Variants in CRCP observed in about 807,000 individuals in gnomAD.
The protein encoded by CRCP is CGRP receptor component.
A neutral mutation model predicts 18.5 loss-of-function variants in CRCP; 18 were observed. The ratio of observed to expected loss-of-function variants is 0.97; its 90% CI spans 0.67 to 1.44. CRCP has a LOEUF of 1.44. CRCP is among the 40% of genes most tolerant of loss of function. CRCP has a pLI of 0.00. For synonymous variants in CRCP, 53 were observed against 62.9 expected, an observed-to-expected ratio of 0.84 and a Z score of 0.75; for missense variants, 130 against 176.4, an observed-to-expected ratio of 0.74 and a Z score of 1.49.
intron 5 of CRCP, among the ~76,000 whole-genome samples, chr7:66,147,056 G>A (rs1788318701): frequency 6.6e-6 from 1 of 152,096 alleles, no homozygotes; most frequent in South Asian, 2.1e-4. Context: ...GAGTGCCTGG[G>A]GTGGGCCGGG....
intron 1 of CRCP, chr7:66,126,609 A>G (rs574626822): frequency 2.3e-6 from 1 of 426,928 alleles, no homozygotes; most frequent in East Asian, 7.7e-5. Flanking sequence ...CTGGGATAAT[A>G]TCTTTTACAA....
At chr7:66,125,966 A>G (rs982287689) in intron 1 of CRCP, among the ~76,000 whole-genome samples, 2 of 149,418 alleles carry the variant, frequency 1.3e-5, no homozygotes, top group African/African-American at 4.8e-5. Flanking sequence ...CAAAGATGAC[A>G]TGTGGTTTGA....
At chr7:66,136,357 A>G (rs1255458221) in intron 4 of CRCP, among the ~76,000 whole-genome samples, 13 of 151,994 alleles carry the variant, frequency 8.6e-5, no homozygotes, top group Non-Finnish European at 1.9e-4. Flanking sequence ...CAGCCTCCAC[A>G]GTAGCTGGGA....
chr7:66,124,510 CCCTT>C lies in CRCP; in HGVS notation c.9-3182_9-3179del, dbSNP rs1450525948. On this transcript the variant is annotated intron_variant, in intron 1 of 5. Coordinates refer to ENST00000395326, the MANE Select transcript of CRCP (RefSeq NM_014478.5). ...TTCCCTCCCTCCTCCCTCCCTCCCT[CCCTT>C]CCTTCCTTCCTCCCTCCTTCCCTTC... Among the ~76,000 whole-genome samples the C allele has an allele frequency of 2.1e-3, 299 of 142,802 alleles. 2 individuals carry two copies. The highest frequency in any genetic ancestry group is 7.1e-3 in the African/African-American group (275 of 38,812). The allele number at this position is 142,802 out of a possible 152,430, so 93.7% of individuals were successfully genotyped here.
intron 1 of CRCP, among the ~76,000 whole-genome samples, chr7:66,116,007 CA>C (rs540266020): frequency 1.5e-3 from 232 of 152,226 alleles, no homozygotes; most frequent in African/African-American, 5.3e-3. Flanking sequence ...CACTACAGCC[CA>C]GGCTGGTCTC....
At chr7:66,121,899 A>G (rs1043744309) in intron 1 of CRCP, among the ~76,000 whole-genome samples, 4 of 152,208 alleles carry the variant, frequency 2.6e-5, no homozygotes, top group Non-Finnish European at 5.9e-5. Context: ...GAGGATACTC[A>G]TTTGCTAGCT....
chr7:66,149,382 G>A (rs1046383780), intron 5 of CRCP, among the ~76,000 whole-genome samples: 1 of 152,020 alleles, frequency 6.6e-6, no homozygotes, highest in African/African-American at 2.4e-5. Flanking sequence ...AGCTGGACAT[G>A]GTGGCACATA....
chr7:66,128,300 T>C (rs891838941), intron 2 of CRCP, among the ~76,000 whole-genome samples: 1 of 152,172 alleles, frequency 6.6e-6, no homozygotes, highest in Non-Finnish European at 1.5e-5. Context: ...CAACCTTCTC[T>C]AAATCTCAAC....
At chr7:66,129,430 G>T (rs933097554) in intron 2 of CRCP, among the ~76,000 whole-genome samples, 4 of 152,170 alleles carry the variant, frequency 2.6e-5, no homozygotes, top group Admixed American at 6.5e-5. Flanking sequence ...TTGAGCCCAG[G>T]AGTTTGAGGT....
chr7:66,122,775 G>C (rs1284637196), intron 1 of CRCP, among the ~76,000 whole-genome samples: 4 of 151,998 alleles, frequency 2.6e-5, no homozygotes, highest in Non-Finnish European at 2.9e-5. Flanking sequence ...TAGCAGGTTT[G>C]GTTTCTTTTG....
At chr7:66,133,239 C>CT (rs1787862301) in intron 3 of CRCP, among the ~76,000 whole-genome samples, 1 of 152,088 alleles carries the variant, frequency 6.6e-6, no homozygotes, top group African/African-American at 2.4e-5. Flanking sequence ...GGTGCGGTGT[C>CT]TCATGCCTAT....
At chr7:66,136,632 A>G (rs1787979666) in intron 4 of CRCP, among the ~76,000 whole-genome samples, 1 of 150,242 alleles carries the variant, frequency 6.7e-6, no homozygotes, top group Non-Finnish European at 1.5e-5. Flanking sequence ...CCAAAGTGCT[A>G]GCATTTCAGG....
intron 1 of CRCP, among the ~76,000 whole-genome samples, chr7:66,125,831 C>T (rs1787603281): frequency 6.7e-6 from 1 of 149,014 alleles, no homozygotes; most frequent in African/African-American, 2.4e-5. Flanking sequence ...CATATTTTTT[C>T]TCGAGTCAAG....
At chr7:66,130,716 T>G (rs550629766) in intron 2 of CRCP, 28 bp from the exon 3 acceptor site, 1 of 1,356,518 alleles carries the variant, frequency 7.4e-7, no homozygotes, top group East Asian at 2.3e-5. Flanking sequence ...AATTTATTCA[T>G]AAACGTCTTT....
At position 66,147,239 on chromosome 7, in the gene CRCP, G is replaced by A. The variant is rs528989659; in HGVS notation, c.297+1739G>A. ...CACCTGTAATCCCAGCTACTTGGGA[G>A]GCTGAGGCAGAATCACTTGAACCCG... On this transcript the variant is annotated intron_variant, in intron 5 of 5. Transcript: ENST00000395326. Among the ~76,000 whole-genome samples the A allele has an allele frequency of 2.6e-5, 4 of 152,008 alleles. No homozygotes were observed. The East Asian group carries it at 7.7e-4, about 29-fold the overall frequency.
chr7:66,142,440 T>C (rs1788168368), intron 4 of CRCP, among the ~76,000 whole-genome samples: 3 of 152,150 alleles, frequency 2.0e-5, no homozygotes, highest in Non-Finnish European at 1.5e-5. Context: ...CAGCTGTCAT[T>C]CCACTGAACT....
chr7:66,122,686 T>C (rs1429865911), intron 1 of CRCP, among the ~76,000 whole-genome samples: 1 of 152,196 alleles, frequency 6.6e-6, no homozygotes, highest in Non-Finnish European at 1.5e-5. Flanking sequence ...GCCAGGCTGC[T>C]TTTAGAAAGC....
At chr7:66,151,823 G>A (rs527774349) in intron 5 of CRCP, among the ~76,000 whole-genome samples, 15 of 147,170 alleles carry the variant, frequency 1.0e-4, no homozygotes, top group African/African-American at 3.8e-4. Flanking sequence ...TCGACCTCCT[G>A]GGCTCAAGTG....
chr7:66,152,721 G>A lies in CRCP; in HGVS notation c.*364G>A, dbSNP rs1788512743. On this transcript the variant is annotated 3_prime_UTR_variant, in exon 6 of 6. Coordinates refer to ENST00000395326, the MANE Select transcript of CRCP (RefSeq NM_014478.5). ...GGCCATGTCCTAATTAGTTTCATCT[G>A]CTTCCCTGGGAACTTACTAAGGGGC... 5.0e-6 allele frequency: 1 copy of A among 200,060 alleles called. No homozygotes were observed. The highest frequency in any genetic ancestry group is 5.6e-5 in the Admixed American group (1 of 17,950). The allele number at this position is 200,060 out of a possible 1,614,324, so 12.4% of individuals were successfully genotyped here.
Sources: allele counts gnomAD v4.1 joint callset (sites outside exome capture counted in the v4.1 genomes callset), GRCh38; gene constraint gnomAD v4.1.1; transcripts MANE v1.5; gene names NCBI Gene and HGNC (gene_info 2026-07-23, HGNC 2026-07-21).